Variants in ACBD7 observed in about 807,000 individuals in gnomAD.
ACBD7 encodes the protein acyl-CoA binding domain containing 7, also known as acyl-CoA-binding domain-containing protein 7.
A neutral mutation model predicts 13.7 loss-of-function variants in ACBD7; 11 were observed. The ratio of observed to expected loss-of-function variants is 0.80; its 90% CI spans 0.50 to 1.33. The LOEUF (loss-of-function observed/expected upper bound fraction) is 1.33. ACBD7 is among the 40% of genes most tolerant of loss of function. ACBD7 has a pLI of 0.00. For synonymous variants in ACBD7, 43 were observed against 37.7 expected (o/e 1.14, Z -0.51); for missense variants, 111 against 103.0 (o/e 1.08, Z -0.33).
At position 15,079,057 on chromosome 10, in the gene ACBD7, C is replaced by G. The variant is rs1198759777; in HGVS notation, c.13-17G>C. On this transcript the variant is annotated splice_polypyrimidine_tract_variant and intron_variant, in intron 1 of 3. Coordinates refer to ENST00000356189, the MANE Select transcript of ACBD7 (RefSeq NM_001039844.3). ...AAAATCAGCCTAAAGGAAGAACAAA[C>G]AAACAAACAAAAGGAGCATTTTACC... The G allele has an allele frequency of 1.9e-6, 3 of 1,570,102 alleles. No homozygotes were observed. Among genetic ancestry groups the G allele is most frequent in the Middle Eastern group, 3.4e-4 (2 of 5,920 alleles).
intron 1 of ACBD7, 150 bp from the exon 2 acceptor site, chr10:15,079,190 G>A (rs554900938): frequency 6.8e-6 from 3 of 439,670 alleles, no homozygotes; most frequent in African/African-American, 6.1e-5. Flanking sequence ...GAATTCCTAG[G>A]AGTTCACCTC....
chr10:15,087,566 C>G lies in ACBD7; in HGVS notation c.12+1151G>C, dbSNP rs1844824139. Among the ~76,000 whole-genome samples, 3 of 151,332 alleles carry G rather than the reference C, an allele frequency of 2.0e-5. No homozygotes were observed. The South Asian group carries it at 6.3e-4, about 32-fold the overall frequency. On this transcript the variant is annotated intron_variant, in intron 1 of 3. Coordinates refer to ENST00000356189, the MANE Select transcript of ACBD7 (RefSeq NM_001039844.3). ...CCAAGGCGGGTGGATCACTTGAGGT[C>G]AGGAGTTGGAGACCAGTCTGGCCAA...
chr10:15,081,385 A>T (rs1844747905), intron 1 of ACBD7, among the ~76,000 whole-genome samples: 1 of 152,186 alleles, frequency 6.6e-6, no homozygotes, highest in African/African-American at 2.4e-5. Flanking sequence ...AGCAGGAAAT[A>T]AGATAAGGGT....
rs755336896 is a variant in ACBD7, at chr10:15,078,601, A to G, written c.196T>C (p.Leu66=). The change falls in exon 4 of 4, where the codon TTG becomes CTG. Residue 66 remains leucine (L), a splice_region_variant and synonymous_variant. Coordinates refer to ENST00000356189, the MANE Select transcript of ACBD7 (RefSeq NM_001039844.3). ...GCACTCGTCGCATCTTCCGTCGACA[A>G]CCCTAGAAAGATACAAACAGGTTAT... ...KWEAWNLKKG[L]STEDATSAYI... 6.2e-7 allele frequency: 1 copy of G among 1,614,144 alleles called. No homozygotes were observed. Among genetic ancestry groups the G allele is most frequent in the Non-Finnish European group, 8.5e-7 (1 of 1,180,032 alleles).
At chr10:15,087,996 CTCTG>C (rs1676169905) in intron 1 of ACBD7, among the ~76,000 whole-genome samples, 1 of 152,006 alleles carries the variant, frequency 6.6e-6, no homozygotes, top group Admixed American at 6.6e-5. Flanking sequence ...CAGAATGAGA[CTCTG>C]TCTCAAAAAA....
At chr10:15,084,753 G>A (rs1169384203) in intron 1 of ACBD7, among the ~76,000 whole-genome samples, 1 of 152,198 alleles carries the variant, frequency 6.6e-6, no homozygotes, top group Non-Finnish European at 1.5e-5. Flanking sequence ...GTTGGGGAAA[G>A]CAACCAATCA....
At chr10:15,084,529 C>A (rs539052925) in intron 1 of ACBD7, among the ~76,000 whole-genome samples, 40 of 152,162 alleles carry the variant, frequency 2.6e-4, no homozygotes, top group Non-Finnish European at 5.0e-4. Flanking sequence ...TTACTGAAAG[C>A]GAAAGTACAT....
At chr10:15,083,980 C>G (rs913977939) in intron 1 of ACBD7, among the ~76,000 whole-genome samples, 1 of 152,168 alleles carries the variant, frequency 6.6e-6, no homozygotes, top group Admixed American at 6.6e-5. Flanking sequence ...CAACGGTGAC[C>G]ACAGGGGACT....
At chr10:15,080,559 G>A (rs1365172010) in intron 1 of ACBD7, among the ~76,000 whole-genome samples, 1 of 151,906 alleles carries the variant, frequency 6.6e-6, no homozygotes, top group East Asian at 1.9e-4. Flanking sequence ...TAGCCTGGGC[G>A]ACAAAGTGAG....
Position 15,079,564 on chromosome 10 carries a change from T to A in ACBD7, c.13-524A>T, listed in dbSNP as rs752367837. 5.6e-4 allele frequency among the ~76,000 whole-genome samples: 85 copies of A among 151,428 alleles called. 1 individual carries two copies. The highest frequency in any genetic ancestry group is 1.8e-4 in the Non-Finnish European group (12 of 67,816). Reference sequence around the variant, plus strand: ...TGCTGTGACTACAGGCGTGAGCCACTGAACCTGATGGTGAGTTTGCTTTTT... The same window carrying A: ...TGCTGTGACTACAGGCGTGAGCCACAGAACCTGATGGTGAGTTTGCTTTTT... On this transcript the variant is annotated intron_variant, in intron 1 of 3. Transcript: ENST00000356189.
chr10:15,087,667 A>T (rs1844825033), intron 1 of ACBD7, among the ~76,000 whole-genome samples: 1 of 152,144 alleles, frequency 6.6e-6, no homozygotes, highest in Non-Finnish European at 1.5e-5. Context: ...AATCCCAGCT[A>T]TTTGGGAGGC....
Position 15,078,379 on chromosome 10 carries a change from T to C in ACBD7, c.*151A>G, listed in dbSNP as rs1844708257. ...AGCAAGTACAATTGAGTTAACTATG[T>C]AGTTTCAGTATACTTCTAAGTACTA... is the stretch of plus-strand genomic sequence containing the variant. On this transcript the variant is annotated 3_prime_UTR_variant, in exon 4 of 4. Coordinates refer to ENST00000356189, the MANE Select transcript of ACBD7 (RefSeq NM_001039844.3). 8 of 1,505,674 alleles carry C rather than the reference T, an allele frequency of 5.3e-6. No individual in the cohort carries two copies. The South Asian group carries it at 9.4e-5, about 18-fold the overall frequency. 93.3% of individuals were successfully genotyped at this position (1,505,674 alleles called of 1,614,324 possible). A position where few individuals can be genotyped will look rare whatever the true frequency, so the allele number is the denominator to read the frequency against.
intron 1 of ACBD7, 144 bp downstream of exon 1, chr10:15,088,573 C>A: frequency 8.5e-7 from 1 of 1,176,004 alleles, no homozygotes; most frequent in East Asian, 3.0e-5. Context: ...TCTACACTGC[C>A]ATCTGGGGCG....
chr10:15,081,339 T>G (rs1451403164), intron 1 of ACBD7, among the ~76,000 whole-genome samples: 2 of 152,100 alleles, frequency 1.3e-5, no homozygotes, highest in Non-Finnish European at 2.9e-5. Flanking sequence ...CAAGTTTTAT[T>G]GGGGTCTGAA....
chr10:15,087,077 G>C (rs1340012249), intron 1 of ACBD7, among the ~76,000 whole-genome samples: 5 of 151,816 alleles, frequency 3.3e-5, no homozygotes, highest in African/African-American at 4.8e-5. Context: ...CTACTTGGGA[G>C]GCTGAAGTGG....
At chr10:15,088,459 T>TC in intron 1 of ACBD7, 1 of 534,480 alleles carries the variant, frequency 1.9e-6, no homozygotes, top group Admixed American at 4.0e-5. Context: ...CGCTCCGTGC[T>TC]CCCCGGCGCT....
At chr10:15,084,058 C>A (rs964725308) in intron 1 of ACBD7, among the ~76,000 whole-genome samples, 2 of 152,106 alleles carry the variant, frequency 1.3e-5, no homozygotes, top group Non-Finnish European at 2.9e-5. Flanking sequence ...AGGTACGGAA[C>A]GGAAAAAGCC....
intron 1 of ACBD7, among the ~76,000 whole-genome samples, chr10:15,086,148 A>C (rs1298893136): frequency 6.6e-6 from 1 of 152,028 alleles, no homozygotes; most frequent in African/African-American, 2.4e-5. Context: ...TCTCTACTAA[A>C]AATACAAAAA....
rs1844671462 is a variant in ACBD7, at chr10:15,075,744, T to TGGG, written c.*2783_*2785dup. ...GTCTCAGCACTTTGGGGGGCCAAGG[T>TGGG]GGGTAGATCACCTCAGATCAGGAGT... On this transcript the variant is annotated 3_prime_UTR_variant, in exon 4 of 4. Coordinates refer to ENST00000356189, the MANE Select transcript of ACBD7 (RefSeq NM_001039844.3). Among the ~76,000 whole-genome samples the TGGG allele has an allele frequency of 6.6e-6, 1 of 151,968 alleles. No homozygotes were observed. The highest frequency in any genetic ancestry group is 1.5e-5 in the Non-Finnish European group (1 of 67,972).
Sources: gnomAD v4.1 joint callset for allele counts (sites outside exome capture counted in the v4.1 genomes callset) on GRCh38, gnomAD v4.1.1 for gene constraint, MANE v1.5 for transcripts, NCBI Gene and HGNC (gene_info 2026-07-23, HGNC 2026-07-21) for gene names.